SCAMP3: variants seen among roughly 807,000 people sequenced by gnomAD.
SCAMP3 encodes secretory carrier-associated membrane protein 3.
In SCAMP3, 30 loss-of-function variants were observed where a neutral mutation model predicts 44.1. The ratio of observed to expected loss-of-function variants is 0.68; its 90% CI spans 0.51 to 0.92. The LOEUF is 0.92. SCAMP3 is among the 40% of genes least tolerant of loss of function. The probability of loss-of-function intolerance (pLI) is 0.00; values close to 1 mark genes in which losing one functional copy is unlikely to be tolerated. For missense variants in SCAMP3, 394 were observed against 440.0 expected, an observed-to-expected ratio of 0.90 and a Z score of 0.93; for synonymous variants, 168 against 171.1, an observed-to-expected ratio of 0.98 and a Z score of 0.14.
intron 4 of SCAMP3, 91 bp from the exon 5 acceptor site, chr1:155,259,045 T>A: frequency 3.5e-4 from 241 of 681,122 alleles, no homozygotes; most frequent in Non-Finnish European, 4.8e-4. Flanking sequence ...CTGGATCCTC[T>A]CTTTTTTTTT....
chr1:155,259,949 G>A (rs1000115651), intron 4 of SCAMP3, among the ~76,000 whole-genome samples: 1 of 150,550 alleles, frequency 6.6e-6, no homozygotes, highest in African/African-American at 2.4e-5. Context: ...CAGAGCCCAG[G>A]TTTGTGTTTT....
At chr1:155,261,951 TG>T in intron 1 of SCAMP3, 134 bp downstream of exon 1, 1 of 916,878 alleles carries the variant, frequency 1.1e-6, no homozygotes, top group Non-Finnish European at 1.7e-6. Context: ...CTCACTGGTC[TG>T]GAGTCACTGT....
chr1:155,260,507 C>T (rs1672931609), intron 3 of SCAMP3, 30 bp downstream of exon 3: 2 of 1,614,188 alleles, frequency 1.2e-6, no homozygotes, highest in South Asian at 1.1e-5. Context: ...TGGCCCTTCT[C>T]CCCAGCCCTC....
intron 1 of SCAMP3, 94 bp downstream of exon 1, chr1:155,261,992 A>C: frequency 7.7e-7 from 1 of 1,298,392 alleles, no homozygotes; most frequent in Non-Finnish European, 1.1e-6. Flanking sequence ...TCCCAGGATC[A>C]AATGTCACAA....
At position 155,256,716 on chromosome 1, in the gene SCAMP3, G is replaced by A. The variant is rs778595142; in HGVS notation, c.855C>T (p.Leu285=). 1 of 1,614,208 alleles carries A rather than the reference G, an allele frequency of 6.2e-7. No homozygotes were observed. The highest frequency in any genetic ancestry group is 8.5e-7 in the Non-Finnish European group (1 of 1,180,030). ...TTCCTAGCACAGCAATGCCAGTGAAGAGCAGGGCGACCAGCAGCATGAGCA... is the reference window on the plus strand; with the variant it reads ...TTCCTAGCACAGCAATGCCAGTGAAAAGCAGGGCGACCAGCAGCATGAGCA... ...VSVLMLLVAL[L]FTGIAVLGIV... The change falls in exon 8 of 9, where the codon CTC becomes CTT. Residue 285 remains leucine (L), a synonymous_variant. Coordinates refer to ENST00000302631, the MANE Select transcript of SCAMP3 (RefSeq NM_005698.4).
chr1:155,260,423 G>A lies in SCAMP3; in HGVS notation c.295C>T (p.Leu99=). 1 of 1,614,122 alleles carries A rather than the reference G, an allele frequency of 6.2e-7. No homozygotes were observed. Among genetic ancestry groups the A allele is most frequent in the Non-Finnish European group, 8.5e-7 (1 of 1,180,048 alleles). Residue 99 remains leucine, a synonymous_variant, in exon 4 of 9, where the codon CTG becomes TTG. Coordinates refer to ENST00000302631, the MANE Select transcript of SCAMP3 (RefSeq NM_005698.4). ...QASAAAATAE[L]LKKQEELNRK... The stretch of plus-strand genomic sequence containing the variant: ...TTGAGCTCCTCCTGTTTCTTCAGCA[G>A]CTCAGCTGTGGCTGCTGCAGCTGAG...
chr1:155,259,219 G>T (rs1436451183), intron 4 of SCAMP3, among the ~76,000 whole-genome samples: 1 of 147,044 alleles, frequency 6.8e-6, no homozygotes, highest in Non-Finnish European at 1.5e-5. Flanking sequence ...TTGTTGCCCA[G>T]GTTGGAGTGC....
Position 155,262,270 on chromosome 1 carries a change from C to T in SCAMP3, c.-119G>A, listed in dbSNP as rs952647824. On this transcript the variant is annotated 5_prime_UTR_variant, in exon 1 of 9. The change creates a new upstream start codon in the 5' untranslated region. Transcript: ENST00000302631. The stretch of plus-strand genomic sequence containing the variant: ...TCAGTTCGCCCCGCTTCTCTGTGCA[C>T]GGATTGGTTCCACCGACCGGAAGGG... 3 of 910,346 alleles carry T rather than the reference C, an allele frequency of 3.3e-6. 1 individual carries two copies. The highest frequency in any genetic ancestry group is 5.3e-5 in the East Asian group (2 of 37,990). The allele number at this position is 910,346 out of a possible 1,614,324, so 56.4% of individuals were successfully genotyped here.
Position 155,262,294 on chromosome 1 carries a change from G to A in SCAMP3, c.-143C>T. 1.4e-6 allele frequency: 1 copy of A among 722,382 alleles called. No homozygotes were observed. The highest frequency in any genetic ancestry group is 2.8e-5 in the East Asian group (1 of 35,978). 44.7% of individuals were successfully genotyped at this position (722,382 alleles called of 1,614,324 possible). On this transcript the variant is annotated 5_prime_UTR_variant, in exon 1 of 9. Transcript: ENST00000302631. ...ACGGATTGGTTCCACCGACCGGAAG[G>A]GCCACAAGGATCCCCGCAGCAGCCG...
At position 155,256,796 on chromosome 1, in the gene SCAMP3, A is replaced by G. The variant is rs1338952315; in HGVS notation, c.780-5T>C. ...ACCAGAGCAGAGATCCAGCCACTGT[A>G]AAGGGAAGGATGTACCAGTGAAGAG... On this transcript the variant is annotated splice_region_variant and splice_polypyrimidine_tract_variant and intron_variant, in intron 7 of 8. Transcript: ENST00000302631. 2.5e-6 allele frequency: 4 copies of G among 1,610,684 alleles called. No individual in the cohort carries two copies. Among genetic ancestry groups the G allele is most frequent in the Non-Finnish European group, 2.5e-6 (3 of 1,176,856 alleles).
Position 155,262,206 on chromosome 1 carries a change from T to G in SCAMP3, c.-55A>C. ...GCCCTCCACGCCCCTGCCGCAGCAG[T>G]GGCGGTAGCGGTAGCCCTCAGAGTC... On this transcript the variant is annotated 5_prime_UTR_variant, in exon 1 of 9. Coordinates refer to ENST00000302631, the MANE Select transcript of SCAMP3 (RefSeq NM_005698.4). 6 of 1,517,026 alleles carry G rather than the reference T, an allele frequency of 4.0e-6. No individual in the cohort carries two copies. Among genetic ancestry groups the G allele is most frequent in the East Asian group, 2.3e-5 (1 of 44,228 alleles). 94.0% of individuals were successfully genotyped at this position (1,517,026 alleles called of 1,614,324 possible). A position where few individuals can be genotyped will look rare whatever the true frequency, so the allele number is the denominator to read the frequency against.
intron 7 of SCAMP3, 149 bp downstream of exon 7, chr1:155,257,136 C>G (rs1672824007): frequency 4.7e-6 from 3 of 641,192 alleles, no homozygotes; most frequent in Non-Finnish European, 8.4e-6. Context: ...TGTCTGCGCT[C>G]TATCCTGGAA....
intron 2 of SCAMP3, 106 bp downstream of exon 2, chr1:155,261,551 G>A (rs1672961802): frequency 2.0e-6 from 2 of 979,820 alleles, no homozygotes; most frequent in African/African-American, 3.2e-5. Flanking sequence ...AGATCACAGT[G>A]CCTCTTCCTT....
At chr1:155,257,066 G>C (rs1572002276) in intron 7 of SCAMP3, among the ~76,000 whole-genome samples, 1 of 152,318 alleles carries the variant, frequency 6.6e-6, no homozygotes, top group East Asian at 1.9e-4. Context: ...CCTCCAGGAA[G>C]CCACCTTAGA....
chr1:155,261,965 C>T, intron 1 of SCAMP3, 121 bp downstream of exon 1: 3 of 1,021,894 alleles, frequency 2.9e-6, no homozygotes, highest in Non-Finnish European at 4.4e-6. Context: ...GTCACTGTCA[C>T]CCCACGTGGC....
At position 155,260,572 on chromosome 1, in the gene SCAMP3, T is replaced by C. The variant is rs1205231802; in HGVS notation, c.232A>G (p.Thr78Ala). 4 of 1,614,102 alleles carry C rather than the reference T, an allele frequency of 2.5e-6. No homozygotes were observed. Among genetic ancestry groups the C allele is most frequent in the East Asian group, 2.2e-5 (1 of 44,880 alleles). ...SLQPSRKLSP[T>A]EPKNYGSYST... ...TATGAGCCATAGTTCTTAGGTTCTG[T>C]GGGGCTGAGCTTTCTCGAGGGCTGC... The change falls in exon 3 of 9, where the codon ACA becomes GCA. Residue 78 changes from threonine (T) to alanine (A), a missense_variant. By Grantham distance (58) the Thr-to-Ala change is moderately conservative. Coordinates refer to ENST00000302631, the MANE Select transcript of SCAMP3 (RefSeq NM_005698.4).
chr1:155,261,933 C>G (rs1428844806), intron 1 of SCAMP3, 153 bp downstream of exon 1: 1 of 836,622 alleles, frequency 1.2e-6, no homozygotes, highest in Non-Finnish European at 1.9e-6. Context: ...GGCCCGCCCC[C>G]CAGAGTGCTC....
chr1:155,256,513 C>T, intron 8 of SCAMP3, 94 bp from the exon 9 acceptor site: 2 of 1,443,256 alleles, frequency 1.4e-6, no homozygotes, highest in Non-Finnish European at 1.9e-6. Context: ...AGCCTGCTGC[C>T]CAGCACACAC....
intron 4 of SCAMP3, 60 bp downstream of exon 4, chr1:155,260,270 T>TTAA: frequency 6.3e-7 from 1 of 1,597,720 alleles, no homozygotes; most frequent in Non-Finnish European, 8.5e-7. Context: ...GCCCAGGCCC[T>TTAA]TAAGACCTGT....
Sources: gnomAD v4.1 joint callset for allele counts (sites outside exome capture counted in the v4.1 genomes callset) on GRCh38, gnomAD v4.1.1 for gene constraint, MANE v1.5 for transcripts, NCBI Gene and HGNC (gene_info 2026-07-23, HGNC 2026-07-21) for gene names.